The following BRINP3 variants were observed in gnomAD, a reference collection of about 807,000 sequenced individuals.
BRINP3 encodes BMP/retinoic acid inducible neural specific 3, also known as BMP/retinoic acid-inducible neural-specific protein 3.
Under a neutral mutation model 71.0 loss-of-function variants are expected in BRINP3, and 19 were observed. That is an observed-to-expected ratio of 0.27 (90% CI 0.19 to 0.39). The LOEUF is 0.39. Ranked by LOEUF, BRINP3 falls within the 10% of genes least tolerant of loss-of-function variation. BRINP3 has a pLI of 1.00. For missense variants in BRINP3, 959 were observed against 940.8 expected (o/e 1.02, Z -0.25); for synonymous variants, 380 against 337.7 (o/e 1.13, Z -1.37).
At chr1:190,204,421 G>T (rs924133364) in intron 6 of BRINP3, among the ~76,000 whole-genome samples, 1 of 147,158 alleles carries the variant, frequency 6.8e-6, no homozygotes, top group African/African-American at 2.6e-5. Context: ...GAAATAAATT[G>T]ACTCATTCAA....
chr1:190,124,306 CCAG>C (rs1442897416), intron 7 of BRINP3, among the ~76,000 whole-genome samples: 5 of 152,116 alleles, frequency 3.3e-5, no homozygotes, highest in Non-Finnish European at 7.4e-5. Context: ...GCGGCCCTCA[CCAG>C]ATGGTGGCAC....
At chr1:190,164,952 G>A (rs907689324) in intron 6 of BRINP3, among the ~76,000 whole-genome samples, 3 of 152,004 alleles carry the variant, frequency 2.0e-5, no homozygotes, top group African/African-American at 7.2e-5. Context: ...TTTTATGTAT[G>A]TGTTTTTTTA....
rs145587181 is a variant in BRINP3, at chr1:190,186,233, C to T, written c.962-25343G>A. Among the ~76,000 whole-genome samples the T allele has an allele frequency of 4.3e-4, 66 of 151,896 alleles. 1 individual carries two copies. In the East Asian group the frequency reaches 0.011, roughly 26 times the overall value. On this transcript the variant is annotated intron_variant, in intron 6 of 7. Transcript: ENST00000367462. ...TCTACTAAAAATACAAAAAAATTAG[C>T]CAGACATCGTGGCAGGTGTCTGTAA...
intron 6 of BRINP3, among the ~76,000 whole-genome samples, chr1:190,171,150 C>T (rs557714324): frequency 6.6e-6 from 1 of 152,200 alleles, no homozygotes; most frequent in East Asian, 1.9e-4. Flanking sequence ...TTTACCCTGG[C>T]CTAAGCGGTC....
intron 2 of BRINP3, among the ~76,000 whole-genome samples, chr1:190,327,526 A>G (rs78703393): frequency 0.016 from 2,343 of 150,042 alleles, 58 homozygotes; most frequent in African/African-American, 0.054. Context: ...CTATTCCTAT[A>G]TCTGATAAAA....
chr1:190,450,998 A>C (rs974214862), intron 2 of BRINP3, among the ~76,000 whole-genome samples: 2 of 152,102 alleles, frequency 1.3e-5, no homozygotes, highest in Admixed American at 1.3e-4. Flanking sequence ...AGTAAGTCAT[A>C]ACATTCACCT....
chr1:190,287,230 A>T (rs1029005676), intron 2 of BRINP3, among the ~76,000 whole-genome samples: 5 of 152,078 alleles, frequency 3.3e-5, no homozygotes, highest in African/African-American at 9.7e-5. Context: ...CATCTCAAAA[A>T]ACAAAAACAA....
intron 2 of BRINP3, among the ~76,000 whole-genome samples, chr1:190,332,460 A>G (rs1042331024): frequency 5.3e-5 from 8 of 152,026 alleles, no homozygotes; most frequent in African/African-American, 1.9e-4. Context: ...AGTATTCTAC[A>G]TGTATGGATT....
intron 7 of BRINP3, among the ~76,000 whole-genome samples, chr1:190,139,061 G>C (rs1225545498): frequency 6.6e-6 from 1 of 151,862 alleles, no homozygotes; most frequent in Non-Finnish European, 1.5e-5. Flanking sequence ...TTGAACTTTG[G>C]ATTTAGAAAG....
chr1:190,209,100 CATA>C (rs1337072725), intron 6 of BRINP3, among the ~76,000 whole-genome samples: 1 of 151,988 alleles, frequency 6.6e-6, no homozygotes, highest in Non-Finnish European at 1.5e-5. Flanking sequence ...CTTAAATTTT[CATA>C]ATGTTACTGT....
Position 190,413,309 on chromosome 1 carries a change from T to G in BRINP3, c.236+41346A>C, listed in dbSNP as rs114609349. 5.5e-3 allele frequency among the ~76,000 whole-genome samples: 836 copies of G among 152,320 alleles called. 10 individuals are homozygous for G. The highest frequency in any genetic ancestry group is 0.019 in the African/African-American group (791 of 41,564). On this transcript the variant is annotated intron_variant, in intron 2 of 7. Transcript: ENST00000367462. The stretch of plus-strand genomic sequence containing the variant: ...TATAATTAGGCATTCTATATGCATG[T>G]GCAAAATATCATACAACTACTTAAA...
chr1:190,203,398 A>AAT (rs1381055677), intron 6 of BRINP3, among the ~76,000 whole-genome samples: 2 of 149,670 alleles, frequency 1.3e-5, no homozygotes, highest in East Asian at 2.0e-4. Flanking sequence ...GTACTTATCA[A>AAT]ATATATATAT....
intron 2 of BRINP3, among the ~76,000 whole-genome samples, chr1:190,380,142 C>T (rs936375834): frequency 2.0e-5 from 3 of 151,856 alleles, no homozygotes; most frequent in Non-Finnish European, 4.4e-5. Flanking sequence ...ATGCCTGTAA[C>T]AATAGTCCAG....
intron 7 of BRINP3, among the ~76,000 whole-genome samples, chr1:190,159,601 A>G (rs1159900097): frequency 2.6e-5 from 4 of 152,056 alleles, no homozygotes; most frequent in African/African-American, 9.6e-5. Context: ...GTACGATCCC[A>G]TTTACAGAAA....
chr1:190,381,066 C>T (rs74130718), intron 2 of BRINP3, among the ~76,000 whole-genome samples: 1,882 of 152,210 alleles, frequency 0.012, 37 homozygotes, highest in African/African-American at 0.042. Flanking sequence ...AGGGCTAGAG[C>T]TGAAGTGCTG....
At chr1:190,272,118 T>C (rs1558131559) in intron 3 of BRINP3, among the ~76,000 whole-genome samples, 1 of 151,546 alleles carries the variant, frequency 6.6e-6, no homozygotes, top group Non-Finnish European at 1.5e-5. Context: ...TTTTTCAGTG[T>C]CCACATTTGC....
chr1:190,449,102 T>C (rs898764958), intron 2 of BRINP3, among the ~76,000 whole-genome samples: 3 of 152,088 alleles, frequency 2.0e-5, no homozygotes, highest in African/African-American at 4.8e-5. Flanking sequence ...TATTGTTAAA[T>C]ACTGTCTCTT....
At chr1:190,259,475 G>T (rs1660973301) in intron 4 of BRINP3, among the ~76,000 whole-genome samples, 1 of 150,338 alleles carries the variant, frequency 6.7e-6, no homozygotes, top group Non-Finnish European at 1.5e-5. Context: ...GAATTAAAAA[G>T]AACTTCCTCC....
At chr1:190,163,082 G>C (rs1392332339) in intron 6 of BRINP3, among the ~76,000 whole-genome samples, 1 of 152,026 alleles carries the variant, frequency 6.6e-6, no homozygotes, top group Non-Finnish European at 1.5e-5. Flanking sequence ...AAATATTCCT[G>C]TGGATATCTT....
Sources: gnomAD v4.1 joint callset for allele counts (sites outside exome capture counted in the v4.1 genomes callset) on GRCh38, gnomAD v4.1.1 for gene constraint, MANE v1.5 for transcripts, NCBI Gene and HGNC (gene_info 2026-07-23, HGNC 2026-07-21) for gene names.